Variants in COL24A1 observed in about 807,000 individuals in gnomAD.
COL24A1 encodes the protein collagen type XXIV alpha 1 chain.
Under a neutral mutation model 253.9 loss-of-function variants are expected in COL24A1, and 224 were observed. That is an observed-to-expected ratio of 0.88 (90% CI 0.79 to 0.99). The LOEUF is 0.99. Among genes scored for constraint, COL24A1 ranks in the 50% least tolerant of loss-of-function variants. The probability of loss-of-function intolerance (pLI) is 0.00; values close to 1 mark genes in which losing one functional copy is unlikely to be tolerated. For missense variants in COL24A1, 2,131 were observed against 2,068.5 expected, an observed-to-expected ratio of 1.03 and a Z score of -0.59; for synonymous variants, 685 against 673.7, an observed-to-expected ratio of 1.02 and a Z score of -0.26.
At chr1:85,993,723 A>G (rs1416539256) in intron 19 of COL24A1, among the ~76,000 whole-genome samples, 2 of 152,068 alleles carry the variant, frequency 1.3e-5, no homozygotes, top group African/African-American at 2.4e-5. Context: ...TATGTCAATT[A>G]TACCTCAATG....
chr1:85,877,263 A>G, intron 32 of COL24A1, 88 bp from the exon 33 acceptor site: 2 of 807,792 alleles, frequency 2.5e-6, no homozygotes, highest in Non-Finnish European at 3.8e-6. Flanking sequence ...TTTATAATAT[A>G]ACACATAACA....
At chr1:85,972,644 C>T (rs608460) in intron 20 of COL24A1, among the ~76,000 whole-genome samples, 99,465 of 151,638 alleles carry the variant, frequency 0.66, 32,953 homozygotes, top group Admixed American at 0.71. Context: ...TTTTAGTGCA[C>T]GTTGTTTGAG....
intron 24 of COL24A1, chr1:85,961,017 C>T: frequency 2.4e-6 from 1 of 421,974 alleles, no homozygotes; most frequent in South Asian, 4.3e-5. Context: ...TCTGAGGTCA[C>T]AAATATACTT....
At chr1:86,017,026 T>C in intron 19 of COL24A1, 125 bp downstream of exon 19, 3 of 887,938 alleles carry the variant, frequency 3.4e-6, no homozygotes, top group African/African-American at 1.8e-5. Context: ...GTCCAAACTA[T>C]TTACGGAGAT....
chr1:85,858,446 ATTCCCT>A (rs1427362252), intron 37 of COL24A1, among the ~76,000 whole-genome samples: 2 of 151,986 alleles, frequency 1.3e-5, no homozygotes, highest in Non-Finnish European at 2.9e-5. Flanking sequence ...TGCGTTAGAT[ATTCCCT>A]CTATTTAGAA....
At chr1:86,086,669 C>A (rs1571874546) in intron 7 of COL24A1, among the ~76,000 whole-genome samples, 2 of 152,036 alleles carry the variant, frequency 1.3e-5, no homozygotes, top group African/African-American at 4.8e-5. Context: ...ACACATCAAA[C>A]ATGAAAAAGC....
chr1:85,835,867 C>T (rs939477350), intron 43 of COL24A1, among the ~76,000 whole-genome samples: 4 of 152,074 alleles, frequency 2.6e-5, no homozygotes, highest in Non-Finnish European at 2.9e-5. Flanking sequence ...CAAAATATGG[C>T]ATCTCGGAAT....
At chr1:86,044,780 T>C (rs767980812) in intron 12 of COL24A1, among the ~76,000 whole-genome samples, 1 of 152,174 alleles carries the variant, frequency 6.6e-6, no homozygotes, top group Non-Finnish European at 1.5e-5. Flanking sequence ...ATAGTAGGAA[T>C]AGAAATTACC....
chr1:85,945,876 T>C (rs1436407434), intron 24 of COL24A1, among the ~76,000 whole-genome samples: 1 of 152,082 alleles, frequency 6.6e-6, no homozygotes, highest in Non-Finnish European at 1.5e-5. Context: ...TCAAATAATG[T>C]CTCCTATGAA....
intron 1 of COL24A1, among the ~76,000 whole-genome samples, chr1:86,148,402 G>C (rs572165529): frequency 5.2e-4 from 79 of 152,100 alleles, no homozygotes; most frequent in Admixed American, 2.0e-3. Flanking sequence ...ACAATGTGCA[G>C]GTTAGTTACA....
At chr1:85,786,536 G>A (rs2101619200) in intron 47 of COL24A1, 75 bp from the exon 48 acceptor site, 5 of 1,362,412 alleles carry the variant, frequency 3.7e-6, no homozygotes, top group Non-Finnish European at 5.1e-6. Context: ...TAAAATGTAG[G>A]AAGAGTTGTG....
chr1:86,140,882 T>C (rs1507283), intron 2 of COL24A1, among the ~76,000 whole-genome samples: 11,799 of 152,270 alleles, frequency 0.077, 563 homozygotes, highest in East Asian at 0.21. Flanking sequence ...AGATTACACC[T>C]AAAACTTGGA....
At chr1:85,772,109 T>C (rs1668036612) in intron 53 of COL24A1, among the ~76,000 whole-genome samples, 1 of 150,004 alleles carries the variant, frequency 6.7e-6, no homozygotes, top group African/African-American at 2.5e-5. Flanking sequence ...TTCATCCATG[T>C]CCCTACAAAG....
At chr1:86,142,052 C>G (rs1206211528) in intron 2 of COL24A1, among the ~76,000 whole-genome samples, 1 of 151,934 alleles carries the variant, frequency 6.6e-6, no homozygotes, top group African/African-American at 2.4e-5. Flanking sequence ...AACAACTTCT[C>G]CAACATAAAA....
intron 19 of COL24A1, among the ~76,000 whole-genome samples, chr1:85,990,136 T>C (rs76691442): frequency 7.2e-5 from 10 of 139,292 alleles, no homozygotes; most frequent in African/African-American, 2.6e-4. Flanking sequence ...TTTTCTTTTC[T>C]TTTTTTTTTG....
At chr1:85,818,509 C>T (rs866627948) in intron 45 of COL24A1, among the ~76,000 whole-genome samples, 3 of 152,184 alleles carry the variant, frequency 2.0e-5, no homozygotes, top group South Asian at 4.1e-4. Context: ...CCTTACAAGG[C>T]ACTTACAGTG....
chr1:86,150,562 CCTT>C (rs1002623012), intron 1 of COL24A1, among the ~76,000 whole-genome samples: 10 of 152,046 alleles, frequency 6.6e-5, no homozygotes, highest in South Asian at 2.1e-4. Context: ...TATATGGTAG[CCTT>C]CTTCTTTTTT....
chr1:86,125,300 T>C lies in COL24A1; in HGVS notation c.1036A>G (p.Asn346Asp). The change falls in exon 3 of 60, where the codon AAT becomes GAT. Residue 346 changes from asparagine to aspartate, a missense_variant. Physicochemically the swap from Asn to Asp is conservative, Grantham distance 23. Transcript: ENST00000370571. Reference protein sequence around the residue: ...EMITEEDTQTNFSLSVTTHRI... With the variant: ...EMITEEDTQTDFSLSVTTHRI... ...TGAGTGGTCACTGACAGGCTGAAAT[T>C]TGTCTGAGTATCTTCCTCAGTGATC... 1 of 1,613,646 alleles carries C rather than the reference T, an allele frequency of 6.2e-7. No individual in the cohort carries two copies. The highest frequency in any genetic ancestry group is 8.5e-7 in the Non-Finnish European group (1 of 1,179,796).
chr1:86,095,350 C>A (rs368504553), intron 5 of COL24A1, among the ~76,000 whole-genome samples: 5 of 152,128 alleles, frequency 3.3e-5, no homozygotes, highest in African/African-American at 1.2e-4. Context: ...ACATATATGT[C>A]AAATTTCTCT....
Sources: gnomAD v4.1 joint callset for allele counts (sites outside exome capture counted in the v4.1 genomes callset) on GRCh38, gnomAD v4.1.1 for gene constraint, MANE v1.5 for transcripts, NCBI Gene and HGNC (gene_info 2026-07-23, HGNC 2026-07-21) for gene names.